Variants in COL22A1 observed in about 807,000 individuals in gnomAD.
COL22A1 encodes collagen type XXII alpha 1 chain, also known as collagen alpha-1(XXII) chain.
A neutral mutation model predicts 248.9 loss-of-function variants in COL22A1; 221 were observed. The ratio of observed to expected loss-of-function variants is 0.89; its 90% CI spans 0.80 to 0.99. The LOEUF is 0.99. Among genes scored for constraint, COL22A1 ranks in the 50% least tolerant of loss-of-function variants. The pLI, the probability that COL22A1 is intolerant of heterozygous loss-of-function variation, is 0.00. For synonymous variants in COL22A1, 891 were observed against 793.4 expected (o/e 1.12, Z -2.07); for missense variants, 2,240 against 2,179.0 (o/e 1.03, Z -0.56).
intron 64 of COL22A1, 126 bp from the exon 65 acceptor site, chr8:138,589,566 C>T (rs1379264235): frequency 4.1e-6 from 3 of 735,240 alleles, no homozygotes; most frequent in Middle Eastern, 4.0e-4. Context: ...AGAGCATCCC[C>T]ATGGTCTGGG....
At chr8:138,894,033 A>C (rs528973588) in intron 1 of COL22A1, among the ~76,000 whole-genome samples, 16 of 152,350 alleles carry the variant, frequency 1.1e-4, no homozygotes, top group African/African-American at 3.1e-4. Context: ...TATTACTCAT[A>C]GAATGAGCCA....
chr8:138,854,338 C>A (rs932324103), intron 3 of COL22A1, among the ~76,000 whole-genome samples: 4 of 152,188 alleles, frequency 2.6e-5, no homozygotes, highest in African/African-American at 9.7e-5. Flanking sequence ...GGACAAGAGC[C>A]TCTGCCCTCC....
intron 4 of COL22A1, among the ~76,000 whole-genome samples, chr8:138,836,587 G>C (rs993306710): frequency 6.6e-6 from 1 of 152,132 alleles, no homozygotes; most frequent in African/African-American, 2.4e-5. Context: ...ATAAACATGC[G>C]GCATGGACAG....
At chr8:138,744,326 G>A (rs891266013) in intron 22 of COL22A1, among the ~76,000 whole-genome samples, 1 of 152,122 alleles carries the variant, frequency 6.6e-6, no homozygotes, top group Non-Finnish European at 1.5e-5. Flanking sequence ...GGTTCCAAGC[G>A]AAAGGCAGGG....
chr8:138,795,494 C>T (rs1445979141), intron 12 of COL22A1, among the ~76,000 whole-genome samples: 1 of 149,348 alleles, frequency 6.7e-6, no homozygotes, highest in East Asian at 1.9e-4. Flanking sequence ...TTGTCTCCAT[C>T]ATTAATTTCT....
At chr8:138,888,761 C>G (rs1824844663) in intron 1 of COL22A1, among the ~76,000 whole-genome samples, 1 of 152,174 alleles carries the variant, frequency 6.6e-6, no homozygotes, top group South Asian at 2.1e-4. Context: ...AGAATCTTAG[C>G]AAGTCAGAGC....
chr8:138,768,674 A>G (rs1390022994), intron 16 of COL22A1, among the ~76,000 whole-genome samples: 1 of 152,214 alleles, frequency 6.6e-6, no homozygotes, highest in Admixed American at 6.5e-5. Context: ...ATGGTGGCTC[A>G]TGCCTGTAAT....
At chr8:138,722,803 C>G (rs1466230682) in intron 25 of COL22A1, among the ~76,000 whole-genome samples, 2 of 135,928 alleles carry the variant, frequency 1.5e-5, no homozygotes, top group African/African-American at 5.6e-5. Context: ...GACACTTCAT[C>G]TTCTCCTTTT....
At chr8:138,676,448 A>AGAAT in intron 41 of COL22A1, 110 bp downstream of exon 41, 1 of 563,208 alleles carries the variant, frequency 1.8e-6, no homozygotes, top group Non-Finnish European at 3.1e-6. Context: ...AAAGAAAGAA[A>AGAAT]GAAAGAAAGG....
At chr8:138,887,755 A>G (rs1824772389) in intron 1 of COL22A1, among the ~76,000 whole-genome samples, 1 of 152,142 alleles carries the variant, frequency 6.6e-6, no homozygotes, top group Non-Finnish European at 1.5e-5. Flanking sequence ...TTTGTAGAAA[A>G]ACACTTAGGG....
rs778681187 is a variant in COL22A1, at chr8:138,725,388, G to A, written c.2192C>T (p.Pro731Leu). The A allele has an allele frequency of 4.1e-5, 66 of 1,613,930 alleles. No homozygotes were observed. Among genetic ancestry groups the A allele is most frequent in the Middle Eastern group, 1.6e-4 (1 of 6,084 alleles). The change falls in exon 24 of 65, where the codon CCG becomes CTG. Residue 731 changes from proline (P) to leucine (L), a missense_variant and splice_region_variant. By Grantham distance (98) the Pro-to-Leu change is moderately conservative. Transcript: ENST00000303045. ...VPGPPGPGGSPGLPGEIGFPG... is the reference protein window; with the variant it reads ...VPGPPGPGGSLGLPGEIGFPG... ...GTAGAAAATCAAAGCCAGTCTTACC[G>A]GAGAACCTCCCGGTCCAGGGGGGCC...
At chr8:138,694,406 A>T in intron 34 of COL22A1, 102 bp downstream of exon 34, 2 of 1,251,728 alleles carry the variant, frequency 1.6e-6, no homozygotes, top group South Asian at 2.4e-5. Flanking sequence ...GTCTACTCCC[A>T]AAATGCCAGG....
chr8:138,909,456 G>C (rs558601999), intron 1 of COL22A1, among the ~76,000 whole-genome samples: 55 of 152,032 alleles, frequency 3.6e-4, no homozygotes, highest in African/African-American at 1.3e-3. Context: ...GGCAGGCGAG[G>C]CCAGCTCCAA....
Position 138,877,944 on chromosome 8 carries a change from T to C in COL22A1, c.464A>G (p.Gln155Arg), listed in dbSNP as rs537176435. Reference sequence around the variant, plus strand: ...CGCCGCGGCGTCCAGCACCAGGTCCTGGCTGCGGCCGTCGGTGAGCAGGAT... The same window carrying C: ...CGCCGCGGCGTCCAGCACCAGGTCCCGGCTGCGGCCGTCGGTGAGCAGGAT... ...VAILLTDGRS[Q>R]DLVLDAAAAA... Residue 155 changes from glutamine to arginine, a missense_variant, in exon 3 of 65, where the codon CAG (glutamine) becomes CGG (arginine). By Grantham distance (43) the Gln-to-Arg change is conservative. Coordinates refer to ENST00000303045, the MANE Select transcript of COL22A1 (RefSeq NM_152888.3). 2.6e-5 allele frequency: 42 copies of C among 1,601,352 alleles called. No homozygotes were observed. The African/African-American group carries it at 5.2e-4, about 20-fold the overall frequency.
At chr8:138,883,266 T>G in intron 1 of COL22A1, 22 bp from the exon 2 acceptor site, 2 of 1,249,516 alleles carry the variant, frequency 1.6e-6, no homozygotes, top group African/African-American at 1.5e-5. Flanking sequence ...AAGACACCCT[T>G]AGAGAAGGCT....
chr8:138,783,006 AGTTG>A (rs1408769447), intron 12 of COL22A1, among the ~76,000 whole-genome samples: 14 of 152,128 alleles, frequency 9.2e-5, no homozygotes, highest in Non-Finnish European at 1.5e-4. Context: ...CTTACTTGTA[AGTTG>A]CTTGCAGTTC....
In COL22A1 at chr8:138,598,815, G is replaced by T. The variant is rs1817757893; in HGVS notation, c.4269C>A (p.Gly1423=). ...CTTGGGGACCCATCAGGCCTGTGTG[G>T]CCTTTGTGGCCTGGGATTCCAGGGT... ...PGDPGIPGHK[G]HTGLMGPQGL... The change falls in exon 61 of 65, where the codon GGC becomes GGA. Residue 1423 remains glycine, a synonymous_variant. Coordinates refer to ENST00000303045, the MANE Select transcript of COL22A1 (RefSeq NM_152888.3). The T allele has an allele frequency of 9.3e-6, 15 of 1,614,068 alleles. No individual in the cohort carries two copies. The highest frequency in any genetic ancestry group is 1.3e-5 in the African/African-American group (1 of 74,940).
intron 53 of COL22A1, among the ~76,000 whole-genome samples, chr8:138,618,419 A>G (rs1474528010): frequency 3.9e-5 from 6 of 152,256 alleles, no homozygotes; most frequent in South Asian, 4.2e-4. Flanking sequence ...CTTGCCCCCA[A>G]TACAGGTTCC....
At chr8:138,710,470 T>G (rs755147274) in intron 30 of COL22A1, among the ~76,000 whole-genome samples, 1 of 152,310 alleles carries the variant, frequency 6.6e-6, no homozygotes, top group East Asian at 1.9e-4. Context: ...ATAATATGAT[T>G]ATAAAATGTT....
Sources: gnomAD v4.1 joint callset for allele counts (sites outside exome capture counted in the v4.1 genomes callset) on GRCh38, gnomAD v4.1.1 for gene constraint, MANE v1.5 for transcripts, NCBI Gene and HGNC (gene_info 2026-07-23, HGNC 2026-07-21) for gene names.